TTC29: variants seen among roughly 807,000 people sequenced by gnomAD.
TTC29 encodes tetratricopeptide repeat protein 29.
In TTC29, 49 loss-of-function variants were observed where a neutral mutation model predicts 58.1. That is an observed-to-expected ratio of 0.84 (90% CI 0.67 to 1.07). TTC29 has a LOEUF of 1.07. TTC29 is among the 50% of genes least tolerant of loss of function. The pLI, the probability that TTC29 is intolerant of heterozygous loss-of-function variation, is 0.00. For synonymous variants in TTC29, 209 were observed against 196.8 expected (o/e 1.06, Z -0.52); for missense variants, 582 against 555.6 (o/e 1.05, Z -0.48).
intron 9 of TTC29, among the ~76,000 whole-genome samples, chr4:146,827,645 G>C (rs969723644): frequency 6.6e-6 from 1 of 152,110 alleles, no homozygotes; most frequent in Non-Finnish European, 1.5e-5. Flanking sequence ...GAAAACTTTT[G>C]TCTCTTCATT....
intron 11 of TTC29, among the ~76,000 whole-genome samples, chr4:146,715,879 C>T (rs1742893024): frequency 6.6e-6 from 1 of 151,982 alleles, no homozygotes; most frequent in Non-Finnish European, 1.5e-5. Flanking sequence ...ATCCTGTATT[C>T]CATAAATATC....
At chr4:146,834,174 G>A (rs1184567310) in intron 8 of TTC29, among the ~76,000 whole-genome samples, 1 of 152,090 alleles carries the variant, frequency 6.6e-6, no homozygotes, top group Non-Finnish European at 1.5e-5. Context: ...TAACTTAGGT[G>A]TGAATAAATA....
intron 11 of TTC29, among the ~76,000 whole-genome samples, chr4:146,790,160 C>G (rs1040031537): frequency 6.6e-6 from 1 of 152,050 alleles, no homozygotes; most frequent in Admixed American, 6.6e-5. Context: ...ACAGCCCTCA[C>G]CAAATCCAAA....
chr4:146,810,995 T>C (rs141064371), intron 10 of TTC29, among the ~76,000 whole-genome samples: 160 of 152,324 alleles, frequency 1.1e-3, no homozygotes, highest in African/African-American at 3.7e-3. Flanking sequence ...CATATGCCAT[T>C]CTTCTTAACT....
chr4:146,885,843 A>G (rs1359338844), intron 6 of TTC29, among the ~76,000 whole-genome samples: 1 of 152,106 alleles, frequency 6.6e-6, no homozygotes, highest in Non-Finnish European at 1.5e-5. Context: ...TGTTACTTTA[A>G]GAAATCGTGA....
At chr4:146,772,162 T>C (rs1747790051) in intron 11 of TTC29, among the ~76,000 whole-genome samples, 1 of 152,188 alleles carries the variant, frequency 6.6e-6, no homozygotes, top group African/African-American at 2.4e-5. Context: ...CTTTGTTGGA[T>C]GTGTAGTTTG....
intron 2 of TTC29, chr4:146,942,729 T>C (rs371943142): frequency 3.1e-5 from 31 of 1,011,000 alleles, no homozygotes; most frequent in Middle Eastern, 2.2e-4. Flanking sequence ...TAAGTTTGCC[T>C]CATTTGGGGC....
intron 11 of TTC29, among the ~76,000 whole-genome samples, chr4:146,764,388 C>T (rs946663606): frequency 2.6e-5 from 4 of 151,890 alleles, no homozygotes; most frequent in Admixed American, 1.3e-4. Context: ...CTCATTGTGG[C>T]GGTGGGGAGG....
intron 11 of TTC29, among the ~76,000 whole-genome samples, chr4:146,739,134 C>A (rs1744933848): frequency 6.6e-6 from 1 of 152,022 alleles, no homozygotes. Context: ...AAGTCTATTA[C>A]ATTGGAGAGA....
intron 4 of TTC29, among the ~76,000 whole-genome samples, chr4:146,917,022 T>G (rs1234179648): frequency 6.6e-6 from 1 of 151,220 alleles, no homozygotes; most frequent in South Asian, 2.1e-4. Flanking sequence ...AAATAAAATA[T>G]ATATATAAAG....
chr4:146,794,819 G>T (rs1332367059), intron 11 of TTC29, among the ~76,000 whole-genome samples: 1 of 152,016 alleles, frequency 6.6e-6, no homozygotes, highest in Non-Finnish European at 1.5e-5. Context: ...TTAAGTTCCA[G>T]GGTACACGTG....
chr4:146,750,411 G>A (rs10015590), intron 11 of TTC29, among the ~76,000 whole-genome samples: 60,271 of 151,972 alleles, frequency 0.4, 12,676 homozygotes, highest in African/African-American at 0.51. Flanking sequence ...ACTAGTAGAG[G>A]TAAATGCATA....
intron 7 of TTC29, 93 bp downstream of exon 7, chr4:146,874,623 C>A: frequency 1.0e-6 from 1 of 972,174 alleles, no homozygotes; most frequent in Non-Finnish European, 1.5e-6. Context: ...AGGAAATAAT[C>A]ACCCTAACAC....
At chr4:146,878,923 C>T (rs1245366549) in intron 6 of TTC29, among the ~76,000 whole-genome samples, 1 of 152,114 alleles carries the variant, frequency 6.6e-6, no homozygotes, top group Non-Finnish European at 1.5e-5. Flanking sequence ...ACACTCGACT[C>T]AGGCACCTGT....
intron 6 of TTC29, among the ~76,000 whole-genome samples, chr4:146,885,339 A>G (rs1329023659): frequency 6.6e-6 from 1 of 152,124 alleles, no homozygotes; most frequent in African/African-American, 2.4e-5. Context: ...TACAGGAAAA[A>G]TCTTAAGTAT....
chr4:146,854,939 G>A (rs1179531016), intron 8 of TTC29, among the ~76,000 whole-genome samples: 1 of 152,104 alleles, frequency 6.6e-6, no homozygotes, highest in Non-Finnish European at 1.5e-5. Context: ...TTGTGGATTA[G>A]TTGGTTTCCT....
chr4:146,881,003 C>T lies in TTC29; in HGVS notation c.587-6075G>A, dbSNP rs138456543. On this transcript the variant is annotated intron_variant, in intron 6 of 12. Coordinates refer to ENST00000325106, the MANE Select transcript of TTC29 (RefSeq NM_031956.4). ...TTGCTCCACTTAAGAAAACAGCATA[C>T]AAATCTAAAGTTTGCAACGCAATAA... Among the ~76,000 whole-genome samples the T allele has an allele frequency of 5.9e-5, 9 of 152,102 alleles. No homozygotes were observed. The East Asian group carries it at 1.7e-3, about 29-fold the overall frequency.
At chr4:146,937,803 G>C in intron 3 of TTC29, 126 bp from the exon 4 acceptor site, 1 of 507,642 alleles carries the variant, frequency 2.0e-6, no homozygotes, top group Non-Finnish European at 3.4e-6. Flanking sequence ...AAACGCAATA[G>C]CTATAGAGTT....
intron 11 of TTC29, among the ~76,000 whole-genome samples, chr4:146,799,018 T>G (rs1237103360): frequency 6.6e-6 from 1 of 151,536 alleles, no homozygotes; most frequent in Non-Finnish European, 1.5e-5. Context: ...AGGTAACAGG[T>G]TAAGGACACA....
Sources: gnomAD v4.1 joint callset for allele counts (sites outside exome capture counted in the v4.1 genomes callset) on GRCh38, gnomAD v4.1.1 for gene constraint, MANE v1.5 for transcripts, NCBI Gene and HGNC (gene_info 2026-07-23, HGNC 2026-07-21) for gene names.